Variants in CEP170B observed in about 807,000 individuals in gnomAD.
CEP170B encodes the protein centrosomal protein 170B.
CEP170B carries 55 observed loss-of-function variants against 120.6 expected under a neutral mutation model. The observed-to-expected ratio is 0.46, with a 90% confidence interval of 0.37 to 0.57. The LOEUF (loss-of-function observed/expected upper bound fraction) is 0.57, where lower values mean the gene tolerates loss of function less well. Among genes scored for constraint, CEP170B ranks in the 20% least tolerant of loss-of-function variants. The probability of loss-of-function intolerance (pLI) is 0.00; values close to 1 mark genes in which losing one functional copy is unlikely to be tolerated. For synonymous variants in CEP170B, 1,033 were observed against 954.5 expected, an observed-to-expected ratio of 1.08 and a Z score of -1.52; for missense variants, 2,212 against 2,253.3, an observed-to-expected ratio of 0.98 and a Z score of 0.37.
intron 2 of CEP170B, among the ~76,000 whole-genome samples, chr14:104,869,426 C>A (rs915138754): frequency 4.6e-5 from 7 of 152,208 alleles, no homozygotes; most frequent in African/African-American, 1.7e-4. Context: ...CGGGCCATGC[C>A]AGGCTCTGAC....
chr14:104,895,253 C>T lies in CEP170B; in HGVS notation c.*295C>T, dbSNP rs958328620. The T allele has an allele frequency of 1.2e-5, 5 of 411,062 alleles. No individual in the cohort carries two copies. Among genetic ancestry groups the T allele is most frequent in the Non-Finnish European group, 2.2e-5 (5 of 232,548 alleles). 25.5% of individuals were successfully genotyped at this position (411,062 alleles called of 1,614,324 possible). A position where few individuals can be genotyped will look rare whatever the true frequency, so the allele number is the denominator to read the frequency against. On this transcript the variant is annotated 3_prime_UTR_variant, in exon 19 of 19. Transcript: ENST00000414716. ...CAAGCCCTCAAGGGCATTACCCCGC[C>T]TCCTCTTCATCACTGTTATTTTTGT... is the stretch of plus-strand genomic sequence containing the variant.
intron 3 of CEP170B, 90 bp downstream of exon 3, chr14:104,876,435 A>T (rs553901623): frequency 3.4e-6 from 4 of 1,170,432 alleles, no homozygotes; most frequent in Non-Finnish European, 4.8e-6. Flanking sequence ...TCCCCCAGTC[A>T]TAGCCCCTCC....
chr14:104,869,417 G>A (rs1264176681), intron 2 of CEP170B, among the ~76,000 whole-genome samples: 3 of 152,192 alleles, frequency 2.0e-5, no homozygotes, highest in South Asian at 2.1e-4. Context: ...GCACATGCCC[G>A]GGCCATGCCA....
chr14:104,884,212 G>A lies in CEP170B; in HGVS notation c.1433G>A (p.Ser478Asn), dbSNP rs1444513899. 6 of 1,542,868 alleles carry A rather than the reference G, an allele frequency of 3.9e-6. No homozygotes were observed. The South Asian group carries it at 7.1e-5, about 18-fold the overall frequency. ...GAGAAGACAGAGGAACGGCTGGGCA[G>A]CCCCTCGCCCGCCTCCCGAACCCCT... ...KREKTEERLG[S>N]PSPASRTPAR... Residue 478 changes from serine to asparagine, a missense_variant, in exon 9 of 19, where the codon AGC becomes AAC. Ser to Asn is a conservative substitution (Grantham distance 46). This residue lies in a region of CEP170B where 2,166 missense variants were observed against 2,166.7 expected (regional missense o/e 1.00). Transcript: ENST00000414716.
chr14:104,870,222 C>T lies in CEP170B; in HGVS notation c.105+1667C>T, dbSNP rs536717927. Among the ~76,000 whole-genome samples, 3 of 152,302 alleles carry T rather than the reference C, an allele frequency of 2.0e-5. No individual in the cohort carries two copies. The South Asian group carries it at 6.2e-4, about 32-fold the overall frequency. On this transcript the variant is annotated intron_variant, in intron 2 of 18. Transcript: ENST00000414716. This position sits in a 1 kb window ranked among gnomAD's most constrained non-coding sequence, Gnocchi z 4.1. ...AGCGAGCGTGGGCGACCGAGGTGGG[C>T]GCGGCAGCACCTGCACTTCATTTAT...
At position 104,886,634 on chromosome 14, in the gene CEP170B, A is replaced by G. The variant is rs1896527893; in HGVS notation, c.2395A>G (p.Ile799Val). The G allele has an allele frequency of 4.6e-6, 7 of 1,523,888 alleles. No individual in the cohort carries two copies. Among genetic ancestry groups the G allele is most frequent in the Non-Finnish European group, 6.1e-6 (7 of 1,138,354 alleles). The allele number at this position is 1,523,888 out of a possible 1,614,324, so 94.4% of individuals were successfully genotyped here. ...GGAGCCAACTCCCGCCTCTTTCTTC[A>G]TTGGGGACCAGAATGGGGACGCTGT... The part of the protein sequence containing the change: ...PGEPTPASFF[I>V]GDQNGDAVLS... The change falls in exon 12 of 19, where the codon ATT becomes GTT. Residue 799 changes from isoleucine to valine, a missense_variant. Physicochemically the swap from Ile to Val is conservative, Grantham distance 29. Coordinates refer to ENST00000414716, the MANE Select transcript of CEP170B (RefSeq NM_001112726.3).
At position 104,887,632 on chromosome 14, in the gene CEP170B, G is replaced by C. The variant is rs950897622; in HGVS notation, c.3393G>C (p.Leu1131=). The C allele has an allele frequency of 6.4e-7, 1 of 1,560,542 alleles. No individual in the cohort carries two copies. The highest frequency in any genetic ancestry group is 2.4e-5 in the East Asian group (1 of 42,042). The part of the protein sequence containing the change: ...TRASRLRRAR[L]GDASDTEAAD... ...CCTCCCGGCTGAGGCGGGCCCGGCT[G>C]GGGGACGCTTCAGACACTGAGGCTG... Residue 1131 remains leucine (L), a synonymous_variant, in exon 12 of 19, where the codon CTG becomes CTC. Coordinates refer to ENST00000414716, the MANE Select transcript of CEP170B (RefSeq NM_001112726.3).
chr14:104,885,344 G>A (rs1297767057), intron 9 of CEP170B, 25 bp from the exon 10 acceptor site: 4 of 1,536,312 alleles, frequency 2.6e-6, no homozygotes, highest in Admixed American at 4.2e-5. Context: ...GACCCTCGGT[G>A]CCTGGGACCA....
intron 2 of CEP170B, among the ~76,000 whole-genome samples, chr14:104,875,094 A>G (rs1412110588): frequency 2.6e-5 from 4 of 152,196 alleles, no homozygotes; most frequent in Non-Finnish European, 5.9e-5. Flanking sequence ...TGGGGCAGTG[A>G]TGGCCAGCTG....
rs746767218 is a variant in CEP170B at position 104,887,952 on chromosome 14, G to T, written c.3713G>T (p.Arg1238Leu). ...CCCCGCCAGCCCTTCAGCAGGGCCCGCTCAGGCAGTGCCCGATACACCTCC... is the reference window on the plus strand; with the variant it reads ...CCCCGCCAGCCCTTCAGCAGGGCCCTCTCAGGCAGTGCCCGATACACCTCC... ...TGPRQPFSRA[R>L]SGSARYTSTT... is the part of the protein sequence containing the mutation. The change falls in exon 12 of 19, where the codon CGC (arginine) becomes CTC (leucine). Residue 1238 changes from arginine to leucine, a missense_variant. Coordinates refer to ENST00000414716, the MANE Select transcript of CEP170B (RefSeq NM_001112726.3). 27 of 1,531,662 alleles carry T rather than the reference G, an allele frequency of 1.8e-5. No individual in the cohort carries two copies. The highest frequency in any genetic ancestry group is 3.8e-5 in the Admixed American group (2 of 52,012). 94.9% of individuals were successfully genotyped at this position (1,531,662 alleles called of 1,614,324 possible).
At position 104,868,591 on chromosome 14, in the gene CEP170B, G is replaced by T; in HGVS notation, c.105+36G>T. On this transcript the variant is annotated intron_variant, in intron 2 of 18. Coordinates refer to ENST00000414716, the MANE Select transcript of CEP170B (RefSeq NM_001112726.3). This position sits in a 1 kb window ranked among gnomAD's most constrained non-coding sequence, Gnocchi z 5.9. Reference sequence around the variant, plus strand: ...AGCGCTTGGGGCCAGGAGGGTAGGGGGTAGACAGTCTGTCCCTGTGGAGGC... The same window carrying T: ...AGCGCTTGGGGCCAGGAGGGTAGGGTGTAGACAGTCTGTCCCTGTGGAGGC... 1 of 1,532,906 alleles carries T rather than the reference G, an allele frequency of 6.5e-7. No homozygotes were observed. Among genetic ancestry groups the T allele is most frequent in the Non-Finnish European group, 8.8e-7 (1 of 1,135,862 alleles). 95.0% of individuals were successfully genotyped at this position (1,532,906 alleles called of 1,614,324 possible). A position where few individuals can be genotyped will look rare whatever the true frequency, so the allele number is the denominator to read the frequency against.
Position 104,884,130 on chromosome 14 carries a change from C to T in CEP170B, c.1351C>T (p.Pro451Ser). 2.6e-6 allele frequency: 4 copies of T among 1,564,746 alleles called. No individual in the cohort carries two copies. Among genetic ancestry groups the T allele is most frequent in the Non-Finnish European group, 3.5e-6 (4 of 1,155,710 alleles). The change falls in exon 9 of 19, where the codon CCA becomes TCA. Residue 451 changes from proline (P) to serine (S), a missense_variant. Around this residue, in one of 2 missense-constraint regions of CEP170B, gnomAD observed 2,166 missense variants for 2,166.7 expected, o/e 1.00. Transcript: ENST00000414716. Reference sequence around the variant, plus strand: ...TAGGGACCGCCCCAGTGTCCCAGCCCCAGTCCAGGCAGGGGGCCGCAGCTC... The same window carrying T: ...TAGGGACCGCCCCAGTGTCCCAGCCTCAGTCCAGGCAGGGGGCCGCAGCTC... The part of the protein sequence containing the change: ...ADRDRPSVPA[P>S]VQAGGRSSGP...
rs1417261802 is a variant in CEP170B, at chr14:104,896,354, C to A, written c.*1396C>A. The A allele has an allele frequency of 3.0e-6, 1 of 337,464 alleles. No individual in the cohort carries two copies. The highest frequency in any genetic ancestry group is 2.2e-5 in the African/African-American group (1 of 46,344). 20.9% of individuals were successfully genotyped at this position (337,464 alleles called of 1,614,324 possible). Reference sequence around the variant, plus strand: ...GGGGGGGCGGGGGTGGCAGGTGTCCCCCCCTGGTCCCCGCCCCAAGAGCCT... The same window carrying A: ...GGGGGGGCGGGGGTGGCAGGTGTCCACCCCTGGTCCCCGCCCCAAGAGCCT... On this transcript the variant is annotated 3_prime_UTR_variant, in exon 19 of 19. Coordinates refer to ENST00000414716, the MANE Select transcript of CEP170B (RefSeq NM_001112726.3).
At chr14:104,888,018 G>A (rs1186929277) in intron 12 of CEP170B, 40 bp downstream of exon 12, 1 of 1,447,678 alleles carries the variant, frequency 6.9e-7, no homozygotes, top group Admixed American at 2.5e-5. Context: ...GCCAAGACAG[G>A]GCTGCCAGTG....
In CEP170B at chr14:104,867,859, C is replaced by T. The variant is rs2841223; in HGVS notation, c.-27-565C>T. On this transcript the variant is annotated intron_variant, in intron 1 of 18. Coordinates refer to ENST00000414716, the MANE Select transcript of CEP170B (RefSeq NM_001112726.3). The surrounding 1 kb of genome is among the most constrained non-coding windows in gnomAD (Gnocchi z 5.4). ...CCTCCTCTCGGTGGTGGACATATTG[C>T]TGACTCAGGGCCCCTGTCTCCAGCT... is the stretch of plus-strand genomic sequence containing the variant. Among the ~76,000 whole-genome samples the T allele has an allele frequency of 1.3e-5, 2 of 149,332 alleles. No homozygotes were observed. Among genetic ancestry groups the T allele is most frequent in the African/African-American group, 2.5e-5 (1 of 40,524 alleles).
chr14:104,885,588 G>C, intron 10 of CEP170B, 46 bp downstream of exon 10: 2 of 1,518,170 alleles, frequency 1.3e-6, no homozygotes, highest in Non-Finnish European at 1.8e-6. Flanking sequence ...GGCAGGAAGA[G>C]GGCAGCATCC....
At chr14:104,894,228 C>T (rs557582617) in intron 16 of CEP170B, 57 bp from the exon 17 acceptor site, 1 of 1,344,588 alleles carries the variant, frequency 7.4e-7, no homozygotes, top group Non-Finnish European at 1.1e-6. Flanking sequence ...AATTGTGCCT[C>T]AGCTCTGTCA....
chr14:104,881,782 TGTC>T (rs1353360232), intron 6 of CEP170B, among the ~76,000 whole-genome samples: 1 of 152,146 alleles, frequency 6.6e-6, no homozygotes, highest in East Asian at 1.9e-4. Flanking sequence ...CCCCTGGGTG[TGTC>T]CCTGGGTCAA....
Position 104,887,340 on chromosome 14 carries a change from G to C in CEP170B, c.3101G>C (p.Gly1034Ala), listed in dbSNP as rs762052738. ...EPVRRSAIRR[G>A]HRPRGSLDWP... Reference sequence around the variant, plus strand: ...GTACGGCGCTCAGCCATAAGGCGTGGCCACAGGCCCCGAGGGTCCCTGGAT... The same window carrying C: ...GTACGGCGCTCAGCCATAAGGCGTGCCCACAGGCCCCGAGGGTCCCTGGAT... The change falls in exon 12 of 19, where the codon GGC (glycine) becomes GCC (alanine). Residue 1034 changes from glycine (G) to alanine (A), a missense_variant. Physicochemically the swap from Gly to Ala is moderately conservative, Grantham distance 60 (BLOSUM62 0). This residue lies in a region of CEP170B where 2,166 missense variants were observed against 2,166.7 expected (regional missense o/e 1.00). Coordinates refer to ENST00000414716, the MANE Select transcript of CEP170B (RefSeq NM_001112726.3). The C allele has an allele frequency of 1.2e-6, 2 of 1,611,312 alleles. No individual in the cohort carries two copies. Among genetic ancestry groups the C allele is most frequent in the Non-Finnish European group, 1.7e-6 (2 of 1,179,400 alleles).
Sources: gnomAD v4.1 joint callset for allele counts (sites outside exome capture counted in the v4.1 genomes callset) on GRCh38, gnomAD v4.1.1 for gene constraint, gnomAD v4.1.1 regional missense constraint, Gnocchi (gnomAD v3.1) non-coding constraint, MANE v1.5 for transcripts, NCBI Gene and HGNC (gene_info 2026-07-23, HGNC 2026-07-21) for gene names.